The following GRM5 variants were observed in gnomAD, a reference collection of about 807,000 sequenced individuals.
GRM5 encodes the protein metabotropic glutamate receptor 5.
A neutral mutation model predicts 83.1 loss-of-function variants in GRM5; 19 were observed. The ratio of observed to expected loss-of-function variants is 0.23; its 90% confidence interval spans 0.16 to 0.34. The LOEUF (loss-of-function observed/expected upper bound fraction) is 0.34, where lower values mean the gene tolerates loss of function less well. Ranked by LOEUF, GRM5 falls within the 10% of genes least tolerant of loss-of-function variation. The pLI is 1.00. For missense variants in GRM5, 1,160 were observed against 1,588.3 expected (o/e 0.73, Z 4.58); for synonymous variants, 675 against 633.6 (o/e 1.07, Z -0.98).
intron 2 of GRM5, among the ~76,000 whole-genome samples, chr11:88,886,805 G>T (rs1200800025): frequency 1.3e-5 from 2 of 152,110 alleles, no homozygotes; most frequent in African/African-American, 4.8e-5. Context: ...TGCAATGTAT[G>T]GGAAATTTTA....
chr11:88,525,230 C>G (rs1175574016), intron 9 of GRM5, 79 bp downstream of exon 9: 1 of 835,190 alleles, frequency 1.2e-6, no homozygotes, highest in Admixed American at 1.8e-5. Flanking sequence ...GAGTGAGGAC[C>G]CAGACCAGGG....
intron 3 of GRM5, among the ~76,000 whole-genome samples, chr11:88,744,428 T>A (rs1357369058): frequency 6.6e-6 from 1 of 152,174 alleles, no homozygotes; most frequent in Admixed American, 6.6e-5. Context: ...TTCAGAAATC[T>A]TAAAACCTCG....
At chr11:88,978,474 T>TAAAAAAAAAAAA (rs200343438) in intron 2 of GRM5, among the ~76,000 whole-genome samples, 8 of 97,984 alleles carry the variant, frequency 8.2e-5, no homozygotes, top group African/African-American at 1.1e-4. Context: ...CAGATGAGCT[T>TAAAAAAAAAAAA]AAAAAAAAAA....
intron 6 of GRM5, among the ~76,000 whole-genome samples, chr11:88,593,939 G>C (rs1399533585): frequency 6.6e-6 from 1 of 151,548 alleles, no homozygotes; most frequent in Admixed American, 6.6e-5. Context: ...GACTACAGGC[G>C]CCTGCCAACT....
Position 88,876,413 on chromosome 11 carries a change from C to T in GRM5, c.662-26258G>A, listed in dbSNP as rs567732085. Among the ~76,000 whole-genome samples, 13 of 152,194 alleles carry T rather than the reference C, an allele frequency of 8.5e-5. No individual in the cohort carries two copies. In the South Asian group the frequency reaches 2.7e-3, roughly 32 times the overall value. On this transcript the variant is annotated intron_variant, in intron 2 of 9. Coordinates refer to ENST00000305447, the MANE Select transcript of GRM5 (RefSeq NM_001143831.3). ...GCTGGTTTGATCCAGGCCACTAAAA[C>T]TTTCTCTGTATCTGCAATAAGGCTA...
rs117679415 is a variant in GRM5 at position 88,744,438 on chromosome 11, G to A, written c.912-91035C>T. Among the ~76,000 whole-genome samples the A allele has an allele frequency of 6.7e-3, 1,015 of 152,094 alleles. 17 individuals are homozygous for A. The highest frequency in any genetic ancestry group is 0.064 in the East Asian group (330 of 5,160). On this transcript the variant is annotated intron_variant, in intron 3 of 9. Coordinates refer to ENST00000305447, the MANE Select transcript of GRM5 (RefSeq NM_001143831.3). ...GGGACTTCAGAAATCTTAAAACCTC[G>A]CCCCTTTATTTTATAGCTTTTGCAA...
At chr11:88,606,011 C>A (rs1565357943) in intron 4 of GRM5, among the ~76,000 whole-genome samples, 1 of 152,146 alleles carries the variant, frequency 6.6e-6, no homozygotes, top group African/African-American at 2.4e-5. Context: ...TGAATCAGAC[C>A]TGGAAGCTCT....
At chr11:88,526,035 A>T (rs1941866864) in intron 8 of GRM5, among the ~76,000 whole-genome samples, 1 of 152,200 alleles carries the variant, frequency 6.6e-6, no homozygotes, top group Non-Finnish European at 1.5e-5. Flanking sequence ...GCCCTCATTG[A>T]GTGATACCAT....
At chr11:88,633,880 G>A (rs1939048768) in intron 4 of GRM5, among the ~76,000 whole-genome samples, 1 of 152,114 alleles carries the variant, frequency 6.6e-6, no homozygotes, top group Admixed American at 6.6e-5. Context: ...ACAAGGATAT[G>A]TTCTGAGAAA....
At chr11:89,022,724 C>T (rs902215853) in intron 2 of GRM5, among the ~76,000 whole-genome samples, 3 of 152,096 alleles carry the variant, frequency 2.0e-5, no homozygotes, top group Admixed American at 2.0e-4. Context: ...ACTTTCCTTA[C>T]TAGTCTGGCC....
At chr11:88,900,272 C>T (rs1381895574) in intron 2 of GRM5, among the ~76,000 whole-genome samples, 1 of 152,146 alleles carries the variant, frequency 6.6e-6, no homozygotes, top group East Asian at 1.9e-4. Flanking sequence ...AAAATCTCTG[C>T]TTTCTAACAT....
chr11:88,787,639 G>A (rs3913309), intron 3 of GRM5, among the ~76,000 whole-genome samples: 79,749 of 151,780 alleles, frequency 0.53, 23,804 homozygotes, highest in Non-Finnish European at 0.7. Context: ...CCCATGATTT[G>A]GGTTAAGAAT....
chr11:88,584,358 C>G (rs1943271242), intron 7 of GRM5, among the ~76,000 whole-genome samples: 1 of 151,936 alleles, frequency 6.6e-6, no homozygotes, highest in Non-Finnish European at 1.5e-5. Context: ...TATACAATAT[C>G]TACTCTTCAC....
At chr11:88,782,847 C>T (rs1470598293) in intron 3 of GRM5, among the ~76,000 whole-genome samples, 1 of 152,078 alleles carries the variant, frequency 6.6e-6, no homozygotes, top group East Asian at 1.9e-4. Flanking sequence ...TGGCTGAACT[C>T]ATTCATGGAC....
chr11:89,022,222 C>A (rs35516567), intron 2 of GRM5, among the ~76,000 whole-genome samples: 2,813 of 152,224 alleles, frequency 0.018, 37 homozygotes, highest in Middle Eastern at 0.065. Flanking sequence ...AGCCAATATT[C>A]ACTATACACA....
chr11:89,006,684 C>A (rs1255091841), intron 2 of GRM5, among the ~76,000 whole-genome samples: 2 of 152,246 alleles, frequency 1.3e-5, no homozygotes, highest in Non-Finnish European at 2.9e-5. Flanking sequence ...TTACACATAT[C>A]CATGCCCCTT....
intron 2 of GRM5, among the ~76,000 whole-genome samples, chr11:88,996,862 A>G (rs1940200232): frequency 6.6e-6 from 1 of 152,244 alleles, no homozygotes; most frequent in African/African-American, 2.4e-5. Flanking sequence ...AATCTCAAAC[A>G]CATAAATATT....
chr11:88,621,552 A>G (rs961553553), intron 4 of GRM5, among the ~76,000 whole-genome samples: 4 of 152,158 alleles, frequency 2.6e-5, no homozygotes, highest in Non-Finnish European at 5.9e-5. Context: ...ATAATTAGAA[A>G]CTTGCTAATT....
At chr11:88,615,565 C>T (rs770298299) in intron 4 of GRM5, among the ~76,000 whole-genome samples, 14 of 151,022 alleles carry the variant, frequency 9.3e-5, no homozygotes, top group Admixed American at 2.6e-4. Context: ...GAAATGTGTG[C>T]TAACAAAATC....
Sources: gnomAD v4.1 joint callset for allele counts (sites outside exome capture counted in the v4.1 genomes callset) on GRCh38, gnomAD v4.1.1 for gene constraint, MANE v1.5 for transcripts, NCBI Gene and HGNC (gene_info 2026-07-23, HGNC 2026-07-21) for gene names.